The following ENPP2 variants were observed in gnomAD, a reference collection of about 807,000 sequenced individuals.
The protein encoded by ENPP2 is ectonucleotide pyrophosphatase/phosphodiesterase 2, also known as autotaxin.
A neutral mutation model predicts 120.2 loss-of-function variants in ENPP2; 51 were observed. The ratio of observed to expected loss-of-function variants is 0.42; its 90% CI spans 0.34 to 0.54. The LOEUF (loss-of-function observed/expected upper bound fraction) is 0.54. Ranked by LOEUF, ENPP2 falls within the 20% of genes least tolerant of loss-of-function variation. ENPP2 has a pLI of 0.04. For synonymous variants in ENPP2, 365 were observed against 366.4 expected (o/e 1.00, Z 0.04); for missense variants, 920 against 1,066.5 (o/e 0.86, Z 1.91).
At chr8:119,670,398 T>C (rs1818206343) in intron 1 of ENPP2, among the ~76,000 whole-genome samples, 1 of 152,242 alleles carries the variant, frequency 6.6e-6, no homozygotes, top group African/African-American at 2.4e-5. Context: ...TGTATCTCTG[T>C]CATCTAATTC....
chr8:119,660,525 T>C (rs1383574332), intron 1 of ENPP2, among the ~76,000 whole-genome samples: 1 of 152,204 alleles, frequency 6.6e-6, no homozygotes, highest in African/African-American at 2.4e-5. Context: ...TGTTTATCAA[T>C]TTAGGACAAA....
At chr8:119,563,283 G>A (rs73712323) in intron 23 of ENPP2, among the ~76,000 whole-genome samples, 2,732 of 152,252 alleles carry the variant, frequency 0.018, 82 homozygotes, top group African/African-American at 0.061. Flanking sequence ...GACAGGTAAT[G>A]GTGAATAGAC....
chr8:119,673,181 T>G, intron 1 of ENPP2: 1 of 1,347,998 alleles, frequency 7.4e-7, no homozygotes. Context: ...GTTTTTCTGC[T>G]TGACAGAATG....
At chr8:119,615,410 A>G (rs993943754) in intron 8 of ENPP2, among the ~76,000 whole-genome samples, 1 of 152,182 alleles carries the variant, frequency 6.6e-6, no homozygotes, top group Non-Finnish European at 1.5e-5. Flanking sequence ...AGCTCTGCAC[A>G]TTCAACAACT....
intron 6 of ENPP2, 86 bp from the exon 7 acceptor site, chr8:119,617,329 G>A: frequency 8.3e-7 from 1 of 1,202,112 alleles, no homozygotes; most frequent in East Asian, 2.4e-5. Flanking sequence ...TCAGACATGT[G>A]TTACCTTCAC....
intron 18 of ENPP2, chr8:119,580,405 AC>A (rs1280258521): frequency 1.8e-6 from 1 of 542,040 alleles, no homozygotes; most frequent in Non-Finnish European, 3.3e-6. Context: ...CTTCCTTAAA[AC>A]TGTGGATAGT....
rs1161446076 is a variant in ENPP2 at position 119,562,910 on chromosome 8, A to G, written c.2368T>C (p.Ser790Pro). 6.2e-7 allele frequency: 1 copy of G among 1,614,070 alleles called. No homozygotes were observed. Among genetic ancestry groups the G allele is most frequent in the Non-Finnish European group, 8.5e-7 (1 of 1,180,034 alleles). The change falls in exon 24 of 25, where the codon TCT (serine) becomes CCT (proline). Residue 790 changes from serine to proline, a missense_variant. By Grantham distance (74) the Ser-to-Pro change is moderately conservative. Coordinates refer to ENST00000075322, the MANE Select transcript of ENPP2 (RefSeq NM_001040092.3). ...TGAGGCAGGATGAAGGAGGACACAG[A>G]GAGAGGGCCGTCACACTTGTCGGCA... ...QPADKCDGPLSVSSFILPHRP... is the reference protein window; with the variant it reads ...QPADKCDGPLPVSSFILPHRP...
In ENPP2 at chr8:119,563,896, C is replaced by A. The variant is rs1001398119; in HGVS notation, c.2265-883G>T. Among the ~76,000 whole-genome samples the A allele has an allele frequency of 2.0e-5, 3 of 151,308 alleles. No homozygotes were observed. In the East Asian group the frequency reaches 5.8e-4, roughly 29 times the overall value. On this transcript the variant is annotated intron_variant, in intron 23 of 24. Transcript: ENST00000075322. Reference sequence around the variant, plus strand: ...TAATTATCTCTAAATCACAATTAAACCCTCTTATACTCTGGGCTGCTGATT... The same window carrying A: ...TAATTATCTCTAAATCACAATTAAAACCTCTTATACTCTGGGCTGCTGATT...
At chr8:119,640,588 A>T (rs1817250992), upstream of ENPP2, among the ~76,000 whole-genome samples, 1 of 152,226 alleles carries the variant, frequency 6.6e-6, no homozygotes, top group Admixed American at 6.5e-5. Context: ...TTGGAAAAAA[A>T]GTTAGGGTTC....
chr8:119,573,796 A>G (rs1812141320), intron 19 of ENPP2, among the ~76,000 whole-genome samples: 1 of 152,076 alleles, frequency 6.6e-6, no homozygotes, highest in South Asian at 2.1e-4. Flanking sequence ...GCAACAGTGC[A>G]AGACTCTGTC....
At chr8:119,624,252 C>T (rs1281574733) in intron 3 of ENPP2, among the ~76,000 whole-genome samples, 2 of 152,032 alleles carry the variant, frequency 1.3e-5, no homozygotes, top group Non-Finnish European at 2.9e-5. Context: ...GAACTATACA[C>T]AAAGGACAAG....
rs915705902 is a variant in ENPP2 at position 119,578,876 on chromosome 8, GA to G, written c.1780+1239del. ...AGGCAGATGAAGATCTTTAAAAGAG[GA>G]AAAATAAGTCAAGTAAATCAAATCT... On this transcript the variant is annotated intron_variant, in intron 19 of 24. Transcript: ENST00000075322. Among the ~76,000 whole-genome samples the G allele has an allele frequency of 1.1e-4, 16 of 152,264 alleles. No homozygotes were observed. In the East Asian group the frequency reaches 3.1e-3, roughly 29 times the overall value.
chr8:119,581,806 C>A (rs1812761100), intron 18 of ENPP2, among the ~76,000 whole-genome samples: 1 of 149,302 alleles, frequency 6.7e-6, no homozygotes, highest in African/African-American at 2.5e-5. Context: ...GTCTTCCAGG[C>A]TGGAGTGTGG....
chr8:119,597,655 C>T (rs2130522108), intron 11 of ENPP2, among the ~76,000 whole-genome samples: 1 of 152,044 alleles, frequency 6.6e-6, no homozygotes, highest in Middle Eastern at 3.4e-3. Context: ...CCTGTAGGCC[C>T]GGAAGAGCAG....
chr8:119,621,843 A>T (rs1815921187), intron 3 of ENPP2, among the ~76,000 whole-genome samples: 1 of 152,220 alleles, frequency 6.6e-6, no homozygotes, highest in South Asian at 2.1e-4. Context: ...AAGGTTTATG[A>T]TAGGGCTATC....
chr8:119,644,988 T>C (rs1817400960), intron 1 of ENPP2, among the ~76,000 whole-genome samples: 1 of 152,028 alleles, frequency 6.6e-6, no homozygotes, highest in Non-Finnish European at 1.5e-5. Context: ...TGAACACAAA[T>C]GAGTGACAGG....
At chr8:119,672,424 A>G (rs1039257974) in intron 1 of ENPP2, among the ~76,000 whole-genome samples, 1 of 152,110 alleles carries the variant, frequency 6.6e-6, no homozygotes, top group East Asian at 1.9e-4. Context: ...TTCACTTGTT[A>G]AAATGAAACC....
intron 10 of ENPP2, 90 bp downstream of exon 10, chr8:119,601,307 C>T (rs1814289101): frequency 1.1e-6 from 1 of 875,376 alleles, no homozygotes; most frequent in Non-Finnish European, 1.9e-6. Flanking sequence ...CAAACATTGG[C>T]TGTGCTTCTA....
chr8:119,580,062 C>A, intron 19 of ENPP2, 54 bp downstream of exon 19: 1 of 1,255,902 alleles, frequency 8.0e-7, no homozygotes, highest in Non-Finnish European at 1.2e-6. Context: ...GAAGCCTTTT[C>A]GATTTTCGAA....
Sources: allele counts gnomAD v4.1 joint callset (sites outside exome capture counted in the v4.1 genomes callset), GRCh38; gene constraint gnomAD v4.1.1; transcripts MANE v1.5; gene names NCBI Gene and HGNC (gene_info 2026-07-23, HGNC 2026-07-21).